The following SLC9B2 variants were observed in gnomAD, a reference collection of about 807,000 sequenced individuals.
The protein encoded by SLC9B2 is solute carrier family 9 member B2.
In SLC9B2, 39 loss-of-function variants were observed where a neutral mutation model predicts 52.2. The observed-to-expected ratio is 0.75, with a 90% confidence interval of 0.58 to 0.98. SLC9B2 has a LOEUF of 0.98. Ranked by LOEUF, SLC9B2 falls within the 50% of genes least tolerant of loss-of-function variation. The probability of loss-of-function intolerance (pLI) is 0.00; values close to 1 mark genes in which losing one functional copy is unlikely to be tolerated. For missense variants in SLC9B2, 626 were observed against 637.5 expected (o/e 0.98, Z 0.19); for synonymous variants, 214 against 227.0 (o/e 0.94, Z 0.51).
chr4:103,023,829 C>G lies in SLC9B2; in HGVS notation c.*2541G>C, dbSNP rs1401392147. Among the ~76,000 whole-genome samples the G allele has an allele frequency of 1.3e-5, 2 of 152,140 alleles. No individual in the cohort carries two copies. Among genetic ancestry groups the G allele is most frequent in the African/African-American group, 4.8e-5 (2 of 41,412 alleles). On this transcript the variant is annotated 3_prime_UTR_variant, in exon 12 of 12. Transcript: ENST00000394785. ...TCCATTTCTAATTTTCCTAGGGGCC[C>G]TAAACATATTCAATAGCATTCTGAT...
intron 3 of SLC9B2, among the ~76,000 whole-genome samples, chr4:103,059,342 A>T (rs1401850368): frequency 1.3e-5 from 2 of 152,196 alleles, no homozygotes; most frequent in Non-Finnish European, 2.9e-5. Context: ...TATTTTCTTT[A>T]AACAGAGAGC....
chr4:103,055,803 CTTTT>C (rs1400053544), intron 4 of SLC9B2, among the ~76,000 whole-genome samples: 6 of 131,958 alleles, frequency 4.5e-5, no homozygotes, highest in Admixed American at 7.8e-5. Context: ...ATGCAGAATT[CTTTT>C]TTTTTTTTTT....
At position 103,045,624 on chromosome 4, in the gene SLC9B2, G is replaced by T. The variant is rs572503357; in HGVS notation, c.890-628C>A. ...AGGACCACACGTAGTTGGTGGGGGGGTGGGGCGGGGAGAGGAAACACAGCA... is the reference window on the plus strand; with the variant it reads ...AGGACCACACGTAGTTGGTGGGGGGTTGGGGCGGGGAGAGGAAACACAGCA... On this transcript the variant is annotated intron_variant, in intron 7 of 11. Coordinates refer to ENST00000394785, the MANE Select transcript of SLC9B2 (RefSeq NM_178833.7). Among the ~76,000 whole-genome samples, 2 of 152,030 alleles carry T rather than the reference G, an allele frequency of 1.3e-5. 1 individual carries two copies. The highest frequency in any genetic ancestry group is 4.2e-4 in the South Asian group (2 of 4,812).
intron 2 of SLC9B2, 56 bp downstream of exon 2, chr4:103,067,405 G>T (rs1243925411): frequency 6.7e-7 from 1 of 1,488,792 alleles, no homozygotes; most frequent in South Asian, 1.1e-5. Context: ...TAGGAGAATT[G>T]GTAAATGAGT....
intron 5 of SLC9B2, among the ~76,000 whole-genome samples, chr4:103,049,409 T>C (rs2110618391): frequency 6.6e-6 from 1 of 152,242 alleles, no homozygotes; most frequent in African/African-American, 2.4e-5. Context: ...TATTTATAAT[T>C]TGTGGTCCCA....
intron 3 of SLC9B2, among the ~76,000 whole-genome samples, chr4:103,061,175 T>C (rs1337802945): frequency 6.6e-6 from 1 of 152,110 alleles, no homozygotes; most frequent in Non-Finnish European, 1.5e-5. Context: ...ACCCAAAAGA[T>C]TATAAAACAT....
At chr4:103,049,840 C>G (rs574181026) in intron 5 of SLC9B2, among the ~76,000 whole-genome samples, 4 of 152,086 alleles carry the variant, frequency 2.6e-5, no homozygotes, top group Admixed American at 1.3e-4. Context: ...GGCAAAACCC[C>G]GTCTCTACTA....
At chr4:103,069,277 T>C (rs553171268) in intron 1 of SLC9B2, among the ~76,000 whole-genome samples, 5 of 152,238 alleles carry the variant, frequency 3.3e-5, no homozygotes, top group African/African-American at 1.2e-4. Flanking sequence ...CTGAGAGTAA[T>C]GCGAGATCAG....
At chr4:103,046,089 G>A (rs1744096821) in intron 7 of SLC9B2, among the ~76,000 whole-genome samples, 1 of 152,144 alleles carries the variant, frequency 6.6e-6, no homozygotes, top group African/African-American at 2.4e-5. Flanking sequence ...GCAGGCTCTG[G>A]AGCAATGAGA....
chr4:103,057,804 G>T lies in SLC9B2; in HGVS notation c.439C>A (p.Leu147Ile), dbSNP rs751339001. 6.2e-7 allele frequency: 1 copy of T among 1,612,992 alleles called. No homozygotes were observed. Among genetic ancestry groups the T allele is most frequent in the Non-Finnish European group, 8.5e-7 (1 of 1,179,748 alleles). ...ACAGGAAACATTTAGCACTTACCAA[G>T]AAGAGAAGGCAGTGGAGGCAATGTA... ...LPTLPPLPSL[L>I]GMLLAGFLIR... Residue 147 changes from leucine to isoleucine, a missense_variant, in exon 4 of 12, where the codon CTT (leucine) becomes ATT (isoleucine). Physicochemically the swap from Leu to Ile is conservative, Grantham distance 5. Transcript: ENST00000394785.
Position 103,047,316 on chromosome 4 carries a change from C to G in SLC9B2, c.714-90G>C, listed in dbSNP as rs534292550. On this transcript the variant is annotated intron_variant, in intron 6 of 11. Coordinates refer to ENST00000394785, the MANE Select transcript of SLC9B2 (RefSeq NM_178833.7). ...TGCCCTCCACTTTTTAGGGGTTATACTTGGACAACAACAGTCTTTCTTTTT... is the reference window on the plus strand; with the variant it reads ...TGCCCTCCACTTTTTAGGGGTTATAGTTGGACAACAACAGTCTTTCTTTTT... 8.5e-6 allele frequency: 9 copies of G among 1,058,378 alleles called. No individual in the cohort carries two copies. The East Asian group carries it at 1.4e-4, about 16-fold the overall frequency. The allele number at this position is 1,058,378 out of a possible 1,614,324, so 65.6% of individuals were successfully genotyped here.
In SLC9B2 at chr4:103,044,927, A is replaced by T. The variant is rs993336465; in HGVS notation, c.959T>A (p.Leu320His). The T allele has an allele frequency of 1.2e-6, 2 of 1,614,016 alleles. No homozygotes were observed. The highest frequency in any genetic ancestry group is 1.7e-6 in the Non-Finnish European group (2 of 1,179,902). Residue 320 changes from leucine (L) to histidine (H), a missense_variant, in exon 8 of 12, where the codon CTT becomes CAT. Transcript: ENST00000394785. ...VVIGVATGSV[L>H]GFFIQYFPSR... is the part of the protein sequence containing the mutation. ...TGGAAAGTACTGAATGAAAAATCCAAGAACAGATCCAGTTGCCACACCAAT... is the reference window on the plus strand; with the variant it reads ...TGGAAAGTACTGAATGAAAAATCCATGAACAGATCCAGTTGCCACACCAAT...
At chr4:103,020,355 A>G (rs1436306375), downstream of SLC9B2, 3 of 449,216 alleles carry the variant, frequency 6.7e-6, no homozygotes, top group Non-Finnish European at 1.3e-5. Context: ...TTGGCCTTTC[A>G]GTCCCAAAGT....
chr4:103,027,949 T>C (rs994682433), intron 11 of SLC9B2, among the ~76,000 whole-genome samples: 5 of 152,208 alleles, frequency 3.3e-5, no homozygotes, highest in African/African-American at 9.6e-5. Flanking sequence ...AATTGGAATA[T>C]TTAATTATAA....
chr4:103,019,513 G>A (rs933202986), downstream of SLC9B2: 23 of 921,790 alleles, frequency 2.5e-5, no homozygotes, highest in Non-Finnish European at 2.8e-5. Context: ...GCCCTCCTGC[G>A]GCCTACCGCA....
At chr4:103,019,650 G>T, downstream of SLC9B2, 1 of 985,508 alleles carries the variant, frequency 1.0e-6, no homozygotes, top group African/African-American at 1.7e-5. Context: ...CAGGAGCCCA[G>T]TGACCGTTGC....
At chr4:103,044,361 A>G (rs1183362649) in intron 8 of SLC9B2, among the ~76,000 whole-genome samples, 1 of 152,190 alleles carries the variant, frequency 6.6e-6, no homozygotes, top group African/African-American at 2.4e-5. Flanking sequence ...GCTAGTGGCT[A>G]CTGTACTGAA....
chr4:103,066,336 T>C lies in SLC9B2; in HGVS notation c.262A>G (p.Ile88Val), dbSNP rs143547783. 2.2e-5 allele frequency: 35 copies of C among 1,613,046 alleles called. No homozygotes were observed. The African/African-American group carries it at 3.9e-4, about 18-fold the overall frequency. ...CTGAATTCATCCTTACCATTTGTTA[T>C]GACCCTGTCCAGTAAACCATGTGGA... The part of the protein sequence containing the change: ...CPPHGLLDRV[I>V]TNVTIIVLLW... Residue 88 changes from isoleucine (I) to valine (V), a missense_variant, in exon 3 of 12, where the codon ATA (isoleucine) becomes GTA (valine). Physicochemically the swap from Ile to Val is conservative, Grantham distance 29 (BLOSUM62 3). Transcript: ENST00000394785.
At chr4:103,070,464 G>A (rs549194524) in intron 1 of SLC9B2, among the ~76,000 whole-genome samples, 31 of 152,254 alleles carry the variant, frequency 2.0e-4, no homozygotes, top group Admixed American at 5.2e-4. Flanking sequence ...TTTTTGAGAC[G>A]AAGTCTCCCT....
Sources: allele counts gnomAD v4.1 joint callset (sites outside exome capture counted in the v4.1 genomes callset), GRCh38; gene constraint gnomAD v4.1.1; transcripts MANE v1.5; gene names NCBI Gene and HGNC (gene_info 2026-07-23, HGNC 2026-07-21).